Variants in SLC28A1 observed in about 807,000 individuals in gnomAD.
The protein encoded by SLC28A1 is sodium/nucleoside cotransporter 1.
In SLC28A1, 64 loss-of-function variants were observed where a neutral mutation model predicts 74.8. The observed-to-expected ratio is 0.86, with a 90% CI of 0.70 to 1.05. The LOEUF is 1.05. Ranked by LOEUF, SLC28A1 falls within the 50% of genes least tolerant of loss-of-function variation. The pLI is 0.00. For missense variants in SLC28A1, 828 were observed against 822.8 expected (o/e 1.01, Z -0.08); for synonymous variants, 359 against 335.0 (o/e 1.07, Z -0.78).
intron 4 of SLC28A1, 26 bp downstream of exon 4, chr15:84,888,886 G>T: frequency 6.6e-7 from 1 of 1,517,210 alleles, no homozygotes; most frequent in Non-Finnish European, 9.0e-7. Context: ...AGAGACAAGG[G>T]CGGGCCTGGG....
intron 2 of SLC28A1, chr15:84,887,266 C>G (rs761809920): frequency 2.4e-4 from 169 of 690,850 alleles, no homozygotes; most frequent in Non-Finnish European, 2.9e-4. Context: ...CAGAAAAATG[C>G]CTGTATCAGA....
chr15:84,960,277 A>G, the SLC28A1 span, among the ~76,000 whole-genome samples: 4 of 84,422 alleles, frequency 4.7e-5, no homozygotes, highest in African/African-American at 1.5e-4. Flanking sequence ...TTTTTTTGAG[A>G]CAAGGTCTTG....
chr15:84,975,573 T>C, the SLC28A1 span: 2 of 456,174 alleles, frequency 4.4e-6, no homozygotes, highest in Non-Finnish European at 4.4e-6. Flanking sequence ...GTTAAGTATC[T>C]TGGAGGCTCT....
At chr15:84,973,295 T>C in the SLC28A1 span, among the ~76,000 whole-genome samples, 5 of 152,306 alleles carry the variant, frequency 3.3e-5, no homozygotes, top group African/African-American at 1.2e-4. Context: ...TATTTTTGGT[T>C]GCAAGAGACT....
In SLC28A1 at chr15:84,884,743, G is replaced by A. The variant is rs1472568230; in HGVS notation, c.-141G>A. The A allele has an allele frequency of 2.0e-6, 2 of 985,496 alleles. No homozygotes were observed. The highest frequency in any genetic ancestry group is 3.5e-5 in the African/African-American group (2 of 57,240). The allele number at this position is 985,496 out of a possible 1,614,324, so 61.0% of individuals were successfully genotyped here. On this transcript the variant is annotated 5_prime_UTR_variant, in exon 1 of 19. Transcript: ENST00000394573. Reference sequence around the variant, plus strand: ...CCTGGCTTCCCTCTGGATGCTGACAGAAACAAGGGTGAGAGAAAAGGACAG... The same window carrying A: ...CCTGGCTTCCCTCTGGATGCTGACAAAAACAAGGGTGAGAGAAAAGGACAG...
the SLC28A1 span, among the ~76,000 whole-genome samples, chr15:84,960,713 C>G: frequency 1.3e-5 from 2 of 152,210 alleles, no homozygotes; most frequent in African/African-American, 2.4e-5. Context: ...TTCGCCCTCG[C>G]TTTTGCAGTA....
At chr15:84,908,620 G>A (rs1444086039) in intron 8 of SLC28A1, 98 bp from the exon 9 acceptor site, 32 of 993,874 alleles carry the variant, frequency 3.2e-5, no homozygotes, top group South Asian at 2.6e-4. Flanking sequence ...GGGGGACTAC[G>A]TCCCTGGGCC....
the SLC28A1 span, among the ~76,000 whole-genome samples, chr15:84,972,146 A>G: frequency 1.3e-5 from 2 of 152,252 alleles, no homozygotes; most frequent in Non-Finnish European, 2.9e-5. Context: ...TGGCACTGCC[A>G]GAGCCAGAAT....
At chr15:84,894,814 T>G in intron 5 of SLC28A1, 126 bp from the exon 6 acceptor site, 26 of 880,310 alleles carry the variant, frequency 3.0e-5, no homozygotes, top group Non-Finnish European at 4.1e-5. Context: ...ACAGGCTCAG[T>G]GAGGTTGGGT....
intron 11 of SLC28A1, among the ~76,000 whole-genome samples, chr15:84,921,744 G>T (rs1333642552): frequency 6.6e-6 from 1 of 152,162 alleles, no homozygotes; most frequent in Non-Finnish European, 1.5e-5. Flanking sequence ...GTGTTGATTT[G>T]AAAGTTTTTG....
intron 7 of SLC28A1, 35 bp downstream of exon 7, chr15:84,904,273 G>T: frequency 2.5e-6 from 4 of 1,612,268 alleles, no homozygotes; most frequent in Non-Finnish European, 3.4e-6. Context: ...GGCTGGAAGT[G>T]TTTGCCTCTC....
chr15:84,890,368 G>T (rs1279153445), intron 4 of SLC28A1, 75 bp from the exon 5 acceptor site: 1 of 1,059,928 alleles, frequency 9.4e-7, no homozygotes, highest in African/African-American at 1.6e-5. Flanking sequence ...GGACATACCT[G>T]AGTGGAGGTG....
chr15:84,937,348 C>T (rs1972055433), intron 15 of SLC28A1, among the ~76,000 whole-genome samples: 1 of 152,162 alleles, frequency 6.6e-6, no homozygotes, highest in South Asian at 2.1e-4. Flanking sequence ...GACTGACTCC[C>T]ACATGAGTCT....
At chr15:84,884,991 C>T (rs1964414082) in intron 1 of SLC28A1, among the ~76,000 whole-genome samples, 1 of 152,164 alleles carries the variant, frequency 6.6e-6, no homozygotes. Flanking sequence ...TAGAGTCTCG[C>T]TCTGTTGCCG....
At chr15:84,913,917 A>T (rs1002777744) in intron 9 of SLC28A1, among the ~76,000 whole-genome samples, 3 of 152,182 alleles carry the variant, frequency 2.0e-5, no homozygotes, top group Non-Finnish European at 4.4e-5. Context: ...ATGGTAAAAG[A>T]GGTGAGGGAG....
intron 8 of SLC28A1, among the ~76,000 whole-genome samples, chr15:84,906,515 T>G (rs1967144976): frequency 5.3e-4 from 1 of 1,892 alleles, no homozygotes; most frequent in Non-Finnish European, 1.8e-3. Context: ...TTTGTTTGTT[T>G]GTTTGTTTGT....
chr15:84,899,885 C>T (rs1012082234), intron 6 of SLC28A1, among the ~76,000 whole-genome samples: 1 of 123,010 alleles, frequency 8.1e-6, no homozygotes, highest in Non-Finnish European at 1.7e-5. Context: ...GAGGGAGATA[C>T]TAAGGCAGAA....
intron 5 of SLC28A1, among the ~76,000 whole-genome samples, chr15:84,894,560 C>G (rs1965731342): frequency 6.6e-6 from 1 of 152,174 alleles, no homozygotes; most frequent in Non-Finnish European, 1.5e-5. Flanking sequence ...TAAACTCCTT[C>G]ACGGAGTAGC....
At chr15:84,900,535 A>T (rs1036694586) in intron 6 of SLC28A1, among the ~76,000 whole-genome samples, 10 of 152,050 alleles carry the variant, frequency 6.6e-5, no homozygotes, top group African/African-American at 2.2e-4. Flanking sequence ...GCAGTGGCTA[A>T]TCCCTGTAAT....
Sources: allele counts gnomAD v4.1 joint callset (sites outside exome capture counted in the v4.1 genomes callset), GRCh38; gene constraint gnomAD v4.1.1; transcripts MANE v1.5; gene names NCBI Gene and HGNC (gene_info 2026-07-23, HGNC 2026-07-21).